The following ADGRG4 variants were observed in gnomAD, a reference collection of about 807,000 sequenced individuals.
ADGRG4 encodes the protein G protein-coupled receptor 112.
A neutral mutation model predicts 126.2 loss-of-function variants in ADGRG4; 122 were observed. That is an observed-to-expected ratio of 0.97 (90% CI 0.83 to 1.12). The LOEUF (loss-of-function observed/expected upper bound fraction) is 1.12, where lower values mean the gene tolerates loss of function less well. ADGRG4 is among the 50% of genes most tolerant of loss of function. The pLI is 0.00. For synonymous variants in ADGRG4, 943 were observed against 838.7 expected (o/e 1.12, Z -2.15); for missense variants, 2,481 against 2,251.8 (o/e 1.10, Z -2.06).
chrX:136,389,609 G>C (rs1418203769), intron 16 of ADGRG4, among the ~76,000 whole-genome samples: 1 of 112,028 alleles, frequency 8.9e-6, no homozygotes, highest in South Asian at 3.8e-4. Flanking sequence ...TTTTACCATT[G>C]GTAAAAGTAA....
chrX:136,345,682 G>A lies in ADGRG4; in HGVS notation c.1976G>A (p.Arg659Lys). 2.5e-6 allele frequency: 3 copies of A among 1,210,979 alleles called. No homozygotes were observed. The highest frequency in any genetic ancestry group is 3.4e-6 in the Non-Finnish European group (3 of 895,035). ...AGCAATGAGACCATTTGGACTTCTA[G>A]GCCAGACCAGGCCCTGCTGGCATCT... ...FSSNETIWTS[R>K]PDQALLASMN... The change falls in exon 6 of 26, where the codon AGG becomes AAG. Residue 659 changes from arginine (R) to lysine (K), a missense_variant. Coordinates refer to ENST00000394143, the MANE Select transcript of ADGRG4 (RefSeq NM_153834.4).
At chrX:136,380,429 T>G (rs1052489817) in intron 15 of ADGRG4, among the ~76,000 whole-genome samples, 1 of 111,452 alleles carries the variant, frequency 9.0e-6, no homozygotes, top group African/African-American at 3.3e-5. Flanking sequence ...TATTACTTGT[T>G]TTCTACTTTT....
chrX:136,380,550 T>C (rs1184708192), intron 15 of ADGRG4, among the ~76,000 whole-genome samples: 2 of 101,765 alleles, frequency 2.0e-5, no homozygotes, highest in Admixed American at 2.1e-4. Context: ...CCTCCTCTTC[T>C]TCTTCTTCTT....
In ADGRG4 at chrX:136,346,927, C is replaced by A; in HGVS notation, c.3221C>A (p.Thr1074Asn). 1 of 1,211,092 alleles carries A rather than the reference C, an allele frequency of 8.3e-7. No homozygotes were observed. The highest frequency in any genetic ancestry group is 1.1e-6 in the Non-Finnish European group (1 of 895,030). ...CCTTTGGATCAGACTGCTTCCACAA[C>A]CATTGTTATTGTGCCTACCCATGGA... is the stretch of plus-strand genomic sequence containing the variant. The part of the protein sequence containing the change: ...VPPLDQTAST[T>N]IVIVPTHGDL... Residue 1074 changes from threonine to asparagine, a missense_variant, in exon 6 of 26, where the codon ACC becomes AAC. Thr to Asn is a moderately conservative substitution (Grantham distance 65). Transcript: ENST00000394143.
chrX:136,407,310 T>C (rs1380174384), intron 23 of ADGRG4, among the ~76,000 whole-genome samples: 1 of 104,000 alleles, frequency 9.6e-6, no homozygotes, highest in Non-Finnish European at 2.0e-5. Flanking sequence ...TAGCACTGTA[T>C]ACATTAGCAT....
intron 13 of ADGRG4, among the ~76,000 whole-genome samples, chrX:136,370,489 T>C (rs1234765065): frequency 8.9e-6 from 1 of 112,366 alleles, no homozygotes; most frequent in Non-Finnish European, 1.9e-5. Flanking sequence ...TTTTGGGCAC[T>C]GACAGGATAT....
chrX:136,384,411 A>G (rs1350664762), intron 15 of ADGRG4, among the ~76,000 whole-genome samples: 1 of 112,047 alleles, frequency 8.9e-6, no homozygotes, highest in African/African-American at 3.2e-5. Flanking sequence ...ACTTCACAAG[A>G]CAATGTTATA....
At chrX:136,362,469 T>G (rs757643265) in intron 12 of ADGRG4, among the ~76,000 whole-genome samples, 1 of 111,830 alleles carries the variant, frequency 8.9e-6, no homozygotes, top group African/African-American at 3.3e-5. Context: ...GCTGCCAGCA[T>G]GATTTTCCTG....
At chrX:136,374,146 C>T (rs1466812787) in intron 15 of ADGRG4, among the ~76,000 whole-genome samples, 1 of 74,993 alleles carries the variant, frequency 1.3e-5, no homozygotes, top group Non-Finnish European at 2.5e-5. Context: ...TTATATAAGG[C>T]TTCTTTCATG....
At chrX:136,373,930 A>C (rs1480472152) in intron 15 of ADGRG4, among the ~76,000 whole-genome samples, 1 of 111,669 alleles carries the variant, frequency 9.0e-6, no homozygotes, top group African/African-American at 3.3e-5. Flanking sequence ...GCACCACTGC[A>C]TTCCAGCCTA....
chrX:136,392,229 C>A lies in ADGRG4; in HGVS notation c.7912-3C>A, dbSNP rs765958190. ...CTGAACTCCTCTTTTGTTTCATCTGCAGACCAAAAATGTCACTAAAGCATT... is the reference window on the plus strand; with the variant it reads ...CTGAACTCCTCTTTTGTTTCATCTGAAGACCAAAAATGTCACTAAAGCATT... On this transcript the variant is annotated splice_polypyrimidine_tract_variant and splice_region_variant and intron_variant, in intron 16 of 25. Coordinates refer to ENST00000394143, the MANE Select transcript of ADGRG4 (RefSeq NM_153834.4). 5 of 1,154,082 alleles carry A rather than the reference C, an allele frequency of 4.3e-6. No homozygotes were observed. Among genetic ancestry groups the A allele is most frequent in the Middle Eastern group, 2.4e-4 (1 of 4,166 alleles).
rs766084197 is a variant in ADGRG4 at position 136,397,944 on chromosome X, G to A, written c.8248G>A (p.Gly2750Arg). Reference protein sequence around the residue: ...EQILALITYTGCGISSIFLGV... With the variant: ...EQILALITYTRCGISSIFLGV... ...GATATTAGCGCTTATAACATACACCGGATGTGGAATCTCCTCCATTTTTCT... is the reference window on the plus strand; with the variant it reads ...GATATTAGCGCTTATAACATACACCAGATGTGGAATCTCCTCCATTTTTCT... Residue 2750 changes from glycine to arginine, a missense_variant, in exon 20 of 26, where the codon GGA becomes AGA. Gly to Arg is a moderately radical substitution (Grantham distance 125). Transcript: ENST00000394143. 2.7e-5 allele frequency: 32 copies of A among 1,196,305 alleles called. No homozygotes were observed. The highest frequency in any genetic ancestry group is 2.3e-4 in the Middle Eastern group (1 of 4,313).
At chrX:136,415,051 T>A (rs145818831) in intron 25 of ADGRG4, among the ~76,000 whole-genome samples, 252 of 112,424 alleles carry the variant, frequency 2.2e-3, no homozygotes, top group African/African-American at 7.8e-3. Flanking sequence ...TTCAGGATGA[T>A]ACTGTGATGA....
At position 136,416,456 on chromosome X, in the gene ADGRG4, G is replaced by C; in HGVS notation, c.9208G>C (p.Asp3070His). The C allele has an allele frequency of 8.3e-7, 1 of 1,200,430 alleles. No individual in the cohort carries two copies. The highest frequency in any genetic ancestry group is 1.1e-6 in the Non-Finnish European group (1 of 888,702). ...TPSEISFPND[D>H]FDKDPYCSSP The stretch of plus-strand genomic sequence containing the variant: ...TTTTCTTTTTTTCTTTACTGCAGAT[G>C]ACTTTGACAAAGATCCTTACTGTTC... The change falls in exon 26 of 26, where the codon GAC (aspartate) becomes CAC (histidine). Residue 3070 changes from aspartate (D) to histidine (H), a missense_variant and splice_region_variant. Transcript: ENST00000394143.
chrX:136,337,175 C>T (rs930338205), intron 5 of ADGRG4, among the ~76,000 whole-genome samples: 1 of 111,336 alleles, frequency 9.0e-6, no homozygotes, highest in African/African-American at 3.3e-5. Context: ...CACTTTGCTG[C>T]CCAGGCTGGT....
chrX:136,373,588 A>G (rs955362811), intron 15 of ADGRG4, among the ~76,000 whole-genome samples: 1 of 111,905 alleles, frequency 8.9e-6, no homozygotes, highest in Non-Finnish European at 1.9e-5. Flanking sequence ...TAAAATGTAC[A>G]TATAAGAAAA....
intron 7 of ADGRG4, among the ~76,000 whole-genome samples, chrX:136,352,204 C>T (rs922357481): frequency 1.8e-5 from 2 of 112,032 alleles, no homozygotes; most frequent in Non-Finnish European, 3.8e-5. Flanking sequence ...TTTCAACTTG[C>T]TCCCCCTCCT....
At chrX:136,383,844 T>G (rs918227910) in intron 15 of ADGRG4, among the ~76,000 whole-genome samples, 1 of 93,056 alleles carries the variant, frequency 1.1e-5, no homozygotes, top group African/African-American at 3.9e-5. Context: ...CTTTCTTTCT[T>G]TCTTTCTTTC....
intron 19 of ADGRG4, among the ~76,000 whole-genome samples, chrX:136,396,594 CAAA>C (rs771100359): frequency 1.7e-5 from 1 of 57,388 alleles, no homozygotes; most frequent in African/African-American, 5.8e-5. Context: ...GAACCTGTCC[CAAA>C]AAAAAAAAAA....
Sources: allele counts gnomAD v4.1 joint callset (sites outside exome capture counted in the v4.1 genomes callset), GRCh38; gene constraint gnomAD v4.1.1; transcripts MANE v1.5; gene names NCBI Gene and HGNC (gene_info 2026-07-23, HGNC 2026-07-21).